CDC42SE2: variants seen among roughly 807,000 people sequenced by gnomAD.
CDC42SE2 encodes the protein CDC42 small effector 2.
A neutral mutation model predicts 11.5 loss-of-function variants in CDC42SE2; 3 were observed. That is an observed-to-expected ratio of 0.26 (90% CI 0.12 to 0.67). The LOEUF is 0.67. CDC42SE2 is among the 30% of genes least tolerant of loss of function. CDC42SE2 has a pLI of 0.80. For missense variants in CDC42SE2, 82 were observed against 106.8 expected (o/e 0.77, Z 1.02); for synonymous variants, 33 against 34.8 (o/e 0.95, Z 0.18).
chr5:131,239,497 G>A, the CDC42SE2 span, among the ~76,000 whole-genome samples: 3 of 152,146 alleles, frequency 2.0e-5, no homozygotes, highest in South Asian at 4.1e-4. Flanking sequence ...TTATCCTCCT[G>A]TTTATTGTGT....
the CDC42SE2 span, among the ~76,000 whole-genome samples, chr5:131,227,829 G>C: frequency 6.6e-6 from 1 of 152,230 alleles, no homozygotes; most frequent in African/African-American, 2.4e-5. Flanking sequence ...CAGATCTCTT[G>C]AGTGCAGGAG....
At chr5:131,277,326 T>A (rs941831661) in intron 1 of CDC42SE2, among the ~76,000 whole-genome samples, 6 of 152,180 alleles carry the variant, frequency 3.9e-5, no homozygotes, top group African/African-American at 1.4e-4. Flanking sequence ...AACTTCATAA[T>A]GTTCTGTTTA....
chr5:131,243,306 G>A (rs188272372), upstream of CDC42SE2, among the ~76,000 whole-genome samples: 4 of 152,304 alleles, frequency 2.6e-5, no homozygotes, highest in African/African-American at 4.8e-5. Flanking sequence ...TTGGCCGGGC[G>A]CGGTGGCTCA....
chr5:131,374,423 T>G (rs1339689882), intron 3 of CDC42SE2, among the ~76,000 whole-genome samples: 2 of 149,842 alleles, frequency 1.3e-5, no homozygotes, highest in Non-Finnish European at 3.0e-5. Flanking sequence ...CCCAGCTACT[T>G]GGGAGGCTGA....
At chr5:131,374,906 A>G (rs182435157) in intron 3 of CDC42SE2, among the ~76,000 whole-genome samples, 33 of 152,300 alleles carry the variant, frequency 2.2e-4, no homozygotes, top group Middle Eastern at 3.4e-3. Flanking sequence ...GTATACATAC[A>G]GTGTATAGAA....
intron 3 of CDC42SE2, among the ~76,000 whole-genome samples, chr5:131,364,522 T>C (rs1034145897): frequency 6.6e-6 from 1 of 152,152 alleles, no homozygotes; most frequent in South Asian, 2.1e-4. Flanking sequence ...CTTTGTGAAA[T>C]AGGAAATCAT....
intron 3 of CDC42SE2, among the ~76,000 whole-genome samples, chr5:131,372,991 T>C (rs1750053144): frequency 6.6e-6 from 1 of 152,230 alleles, no homozygotes; most frequent in Non-Finnish European, 1.5e-5. Context: ...TTTAAAATTT[T>C]GCTTTTATCC....
At chr5:131,363,487 C>G (rs1427240705) in intron 3 of CDC42SE2, among the ~76,000 whole-genome samples, 1 of 151,694 alleles carries the variant, frequency 6.6e-6, no homozygotes, top group African/African-American at 2.4e-5. Flanking sequence ...AGCAATTCTC[C>G]TGCCTCAGCG....
intron 3 of CDC42SE2, among the ~76,000 whole-genome samples, chr5:131,368,369 T>A (rs1309111032): frequency 1.3e-5 from 2 of 152,092 alleles, no homozygotes; most frequent in Non-Finnish European, 2.9e-5. Context: ...CATTTGTTCA[T>A]CCTGGTGCCA....
the CDC42SE2 span, among the ~76,000 whole-genome samples, chr5:131,226,087 G>T: frequency 1.3e-5 from 2 of 152,200 alleles, no homozygotes; most frequent in African/African-American, 4.8e-5. Context: ...GGGTAGCAAG[G>T]ATCAACTGGC....
At chr5:131,364,697 G>A (rs919485622) in intron 3 of CDC42SE2, among the ~76,000 whole-genome samples, 1 of 152,222 alleles carries the variant, frequency 6.6e-6, no homozygotes, top group African/African-American at 2.4e-5. Context: ...CTCCTCAGCT[G>A]TCTGGAGTTG....
chr5:131,276,565 A>G (rs2149697878), intron 1 of CDC42SE2, among the ~76,000 whole-genome samples: 1 of 152,140 alleles, frequency 6.6e-6, no homozygotes, highest in African/African-American at 2.4e-5. Flanking sequence ...CAGTGTAAAC[A>G]TTTTCCCATT....
chr5:131,296,718 A>G (rs1757577667), intron 1 of CDC42SE2, among the ~76,000 whole-genome samples: 1 of 152,224 alleles, frequency 6.6e-6, no homozygotes, highest in South Asian at 2.1e-4. Context: ...TGGGGGGGTT[A>G]GGATTTCAAC....
intron 1 of CDC42SE2, among the ~76,000 whole-genome samples, chr5:131,276,297 A>T (rs961770414): frequency 4.0e-5 from 6 of 150,228 alleles, no homozygotes; most frequent in African/African-American, 1.5e-4. Flanking sequence ...AAAAAAAAAA[A>T]TAGAAAAATT....
upstream of CDC42SE2, among the ~76,000 whole-genome samples, chr5:131,242,700 T>G (rs918579232): frequency 1.3e-5 from 2 of 152,212 alleles, no homozygotes; most frequent in Non-Finnish European, 2.9e-5. Context: ...ACCAAAAATT[T>G]CAGGCAGCCA....
At chr5:131,216,501 C>CAAAAAAAAAAAAAAAAA in the CDC42SE2 span, among the ~76,000 whole-genome samples, 22 of 42,168 alleles carry the variant, frequency 5.2e-4, no homozygotes, top group African/African-American at 1.7e-3. Flanking sequence ...GAACCTGTCT[C>CAAAAAAAAAAAAAAAAA]AAAAAAAAAA....
intron 2 of CDC42SE2, among the ~76,000 whole-genome samples, chr5:131,339,112 G>A (rs1430524608): frequency 6.6e-6 from 1 of 151,860 alleles, no homozygotes; most frequent in Non-Finnish European, 1.5e-5. Flanking sequence ...GCTGGGCGTA[G>A]TGGTGCACGT....
the CDC42SE2 span, among the ~76,000 whole-genome samples, chr5:131,239,175 A>G: frequency 3.3e-5 from 5 of 151,830 alleles, no homozygotes; most frequent in African/African-American, 1.2e-4. Context: ...AAAATAAAAT[A>G]AAAATAAGAA....
chr5:131,228,591 G>T, the CDC42SE2 span, among the ~76,000 whole-genome samples: 5 of 152,270 alleles, frequency 3.3e-5, no homozygotes, highest in African/African-American at 1.2e-4. Context: ...TTTTCCTATA[G>T]TGCAAATACC....
Sources: allele counts gnomAD v4.1 joint callset (sites outside exome capture counted in the v4.1 genomes callset), GRCh38; gene constraint gnomAD v4.1.1; transcripts MANE v1.5; gene names NCBI Gene and HGNC (gene_info 2026-07-23, HGNC 2026-07-21).